The following MORF4L1 variants were observed in gnomAD, a reference collection of about 807,000 sequenced individuals.
MORF4L1 encodes mortality factor 4-like protein 1.
In MORF4L1, 4 loss-of-function variants were observed where a neutral mutation model predicts 52.9. That is an observed-to-expected ratio of 0.08 (90% CI 0.04 to 0.17). The LOEUF is 0.17. MORF4L1 is among the 10% of genes least tolerant of loss of function. The pLI, the probability that MORF4L1 is intolerant of heterozygous loss-of-function variation, is 1.00. For missense variants in MORF4L1, 214 were observed against 390.4 expected (o/e 0.55, Z 3.81); for synonymous variants, 123 against 134.8 (o/e 0.91, Z 0.61).
intron 3 of MORF4L1, among the ~76,000 whole-genome samples, chr15:78,885,780 T>A (rs1355279545): frequency 2.0e-5 from 3 of 152,200 alleles, no homozygotes; most frequent in African/African-American, 7.2e-5. Context: ...TTTTTAAAAA[T>A]AACTGAGTTT....
chr15:78,887,209 C>G, intron 4 of MORF4L1, 60 bp from the exon 5 acceptor site: 1 of 1,433,934 alleles, frequency 7.0e-7, no homozygotes, highest in South Asian at 1.3e-5. Context: ...ATCAGGCTGA[C>G]AATTTTTTTT....
At chr15:78,883,334 G>A (rs1204088872) in intron 3 of MORF4L1, among the ~76,000 whole-genome samples, 2 of 152,034 alleles carry the variant, frequency 1.3e-5, no homozygotes, top group African/African-American at 4.8e-5. Context: ...CTTAGTAACT[G>A]TGAATACAGC....
intron 9 of MORF4L1, among the ~76,000 whole-genome samples, 191 bp from the exon 10 acceptor site, chr15:78,893,867 C>T (rs544623817): frequency 1.1e-3 from 170 of 152,242 alleles, no homozygotes; most frequent in African/African-American, 3.9e-3. Flanking sequence ...TAAAATTTAA[C>T]CATCTGAAAA....
At chr15:78,890,726 C>G (rs1294531885) in intron 5 of MORF4L1, 1 of 228,276 alleles carries the variant, frequency 4.4e-6, no homozygotes. Flanking sequence ...AGAGATCCAC[C>G]CCCTCTTCAC....
At chr15:78,891,381 G>A in intron 6 of MORF4L1, 103 bp from the exon 7 acceptor site, 1 of 868,978 alleles carries the variant, frequency 1.2e-6, no homozygotes, top group Non-Finnish European at 1.9e-6. Flanking sequence ...TAACAGCTGT[G>A]TAATGGAGAA....
intron 6 of MORF4L1, 80 bp downstream of exon 6, chr15:78,891,094 T>A: frequency 7.2e-7 from 1 of 1,394,784 alleles, no homozygotes; most frequent in Non-Finnish European, 9.8e-7. Flanking sequence ...CTATGAAATT[T>A]TGGAGTAAGC....
At chr15:78,876,227 C>T (rs1182023267) in intron 1 of MORF4L1, among the ~76,000 whole-genome samples, 3 of 151,658 alleles carry the variant, frequency 2.0e-5, no homozygotes, top group African/African-American at 7.3e-5. Context: ...CGAGCCACCG[C>T]GCCCGGCCGA....
Position 78,894,459 on chromosome 15 carries a change from A to AG in MORF4L1, c.802+230dup, listed in dbSNP as rs1327795925. ...AGACAGTCTCTGTTGCCCAGGCTGG[A>AG]GTGCAGTGGTGCGATCTTTGCTCAC... On this transcript the variant is annotated intron_variant, in intron 10 of 11. Transcript: ENST00000426013. 2.9e-5 allele frequency: 11 copies of AG among 378,302 alleles called. No individual in the cohort carries two copies. The East Asian group carries it at 5.7e-4, about 20-fold the overall frequency. The allele number at this position is 378,302 out of a possible 1,614,324, so 23.4% of individuals were successfully genotyped here.
chr15:78,889,379 A>T (rs1284058184), intron 5 of MORF4L1, among the ~76,000 whole-genome samples: 2 of 152,198 alleles, frequency 1.3e-5, no homozygotes, highest in African/African-American at 4.8e-5. Flanking sequence ...CGTTATACTT[A>T]CCTGTTGAAC....
At chr15:78,884,899 T>C (rs576514452) in intron 3 of MORF4L1, 3 of 1,096,154 alleles carry the variant, frequency 2.7e-6, no homozygotes, top group Non-Finnish European at 3.9e-6. Context: ...AAATGAATCT[T>C]AATAAAGCTG....
chr15:78,894,918 T>C lies in MORF4L1; in HGVS notation c.887+14T>C. 6.3e-7 allele frequency: 1 copy of C among 1,595,504 alleles called. No homozygotes were observed. The highest frequency in any genetic ancestry group is 2.2e-5 in the East Asian group (1 of 44,772). On this transcript the variant is annotated intron_variant, in intron 11 of 11. Transcript: ENST00000426013. ...CGATTTCCTAAAGTAAGTCTGTGCT[T>C]GAAATTATAAACATGGATTTGAAAA...
At chr15:78,877,191 G>C (rs12592618) in intron 1 of MORF4L1, among the ~76,000 whole-genome samples, 2 of 144,164 alleles carry the variant, frequency 1.4e-5, no homozygotes, top group Admixed American at 7.0e-5. Context: ...CAAGATCTTA[G>C]CTCACTGCAA....
Position 78,897,408 on chromosome 15 carries a change from A to G in MORF4L1, c.*341A>G, listed in dbSNP as rs185035518. Reference sequence around the variant, plus strand: ...CTTTTATAATACATGTTAATGCTATATGACAAAATGCTCTGATTCCTAGTG... The same window carrying G: ...CTTTTATAATACATGTTAATGCTATGTGACAAAATGCTCTGATTCCTAGTG... On this transcript the variant is annotated 3_prime_UTR_variant, in exon 12 of 12. Coordinates refer to ENST00000426013, the MANE Select transcript of MORF4L1 (RefSeq NM_006791.4). 1.4e-4 allele frequency: 27 copies of G among 195,304 alleles called. No homozygotes were observed. The highest frequency in any genetic ancestry group is 4.9e-4 in the African/African-American group (21 of 43,278). 12.1% of individuals were successfully genotyped at this position (195,304 alleles called of 1,614,324 possible).
At chr15:78,895,176 G>C (rs2056866483) in intron 11 of MORF4L1, among the ~76,000 whole-genome samples, 2 of 152,164 alleles carry the variant, frequency 1.3e-5, no homozygotes, top group South Asian at 4.1e-4. Context: ...AGCCACACTT[G>C]TCATGTACCA....
intron 5 of MORF4L1, among the ~76,000 whole-genome samples, chr15:78,890,190 C>G (rs114437161): frequency 0.029 from 4,402 of 152,026 alleles, 243 homozygotes; most frequent in African/African-American, 0.1. Context: ...ACAGACAGAG[C>G]AAGACTCCAT....
Position 78,886,250 on chromosome 15 carries a change from A to C in MORF4L1, c.242+23A>C, listed in dbSNP as rs139492037. The C allele has an allele frequency of 2.5e-5, 40 of 1,574,472 alleles. No individual in the cohort carries two copies. The East Asian group carries it at 8.9e-4, about 35-fold the overall frequency. ...TCAGTAAGTTTGTTTTGTGAACTGAATATTAAGGAGAAATGCCTGTAGATT... is the reference window on the plus strand; with the variant it reads ...TCAGTAAGTTTGTTTTGTGAACTGACTATTAAGGAGAAATGCCTGTAGATT... On this transcript the variant is annotated intron_variant, in intron 4 of 11. Transcript: ENST00000426013.
intron 3 of MORF4L1, among the ~76,000 whole-genome samples, chr15:78,884,717 A>G (rs1311311455): frequency 1.3e-5 from 2 of 151,664 alleles, no homozygotes; most frequent in African/African-American, 2.4e-5. Context: ...CATTTTGAAA[A>G]TGGCTTGTGC....
At chr15:78,889,465 C>T (rs1363069804) in intron 5 of MORF4L1, among the ~76,000 whole-genome samples, 3 of 152,080 alleles carry the variant, frequency 2.0e-5, no homozygotes, top group Non-Finnish European at 4.4e-5. Context: ...ATTTTTGGAG[C>T]ATTTTGGCTT....
At chr15:78,889,866 G>A (rs186141573) in intron 5 of MORF4L1, among the ~76,000 whole-genome samples, 3 of 152,034 alleles carry the variant, frequency 2.0e-5, no homozygotes, top group African/African-American at 7.2e-5. Context: ...TCTTTCCATC[G>A]AAAGTAATCC....
Sources: allele counts gnomAD v4.1 joint callset (sites outside exome capture counted in the v4.1 genomes callset), GRCh38; gene constraint gnomAD v4.1.1; transcripts MANE v1.5; gene names NCBI Gene and HGNC (gene_info 2026-07-23, HGNC 2026-07-21).